CAP2: variants seen among roughly 807,000 people sequenced by gnomAD.
CAP2 encodes the protein cyclase associated actin cytoskeleton regulatory protein 2, also known as adenylyl cyclase-associated protein 2.
A neutral mutation model predicts 57.7 loss-of-function variants in CAP2; 24 were observed. The observed-to-expected ratio is 0.42, with a 90% CI of 0.30 to 0.58. CAP2 has a LOEUF of 0.58. CAP2 is among the 20% of genes least tolerant of loss of function. The probability of loss-of-function intolerance (pLI) is 0.22; values close to 1 mark genes in which losing one functional copy is unlikely to be tolerated. For synonymous variants in CAP2, 194 were observed against 207.2 expected, an observed-to-expected ratio of 0.94 and a Z score of 0.55; for missense variants, 501 against 590.3, an observed-to-expected ratio of 0.85 and a Z score of 1.57.
In CAP2 at chr6:17,404,422, G is replaced by A. The variant is rs139979451; in HGVS notation, c.-2+10676G>A. 6.4e-3 allele frequency among the ~76,000 whole-genome samples: 978 copies of A among 152,228 alleles called. 14 individuals are homozygous for A. Among genetic ancestry groups the A allele is most frequent in the African/African-American group, 0.021 (881 of 41,530 alleles). On this transcript the variant is annotated intron_variant, in intron 1 of 12. Coordinates refer to ENST00000229922, the MANE Select transcript of CAP2 (RefSeq NM_006366.3). ...AGATGGAGACCATCCTGGCTAACAC[G>A]GTGAAACCCCGTCTCTACTGAAAAT...
intron 6 of CAP2, among the ~76,000 whole-genome samples, chr6:17,511,088 T>G (rs1209782394): frequency 6.6e-6 from 1 of 152,186 alleles, no homozygotes; most frequent in African/African-American, 2.4e-5. Flanking sequence ...ATGACTCAGT[T>G]AAGCTCAGTG....
At chr6:17,426,525 G>A (rs1388623428) in intron 2 of CAP2, 65 bp from the exon 3 acceptor site, 14 of 1,187,522 alleles carry the variant, frequency 1.2e-5, no homozygotes, top group African/African-American at 7.5e-5. Context: ...GTGAGCCACC[G>A]TGCCCGGCTA....
rs530641228 is a variant in CAP2 at position 17,459,622 on chromosome 6, A to G, written c.223-3374A>G. Reference sequence around the variant, plus strand: ...AGAATTTAACAAGATTATAAAAAGTATTTTTAAAATAGCCTAAAGACAAGG... The same window carrying G: ...AGAATTTAACAAGATTATAAAAAGTGTTTTTAAAATAGCCTAAAGACAAGG... On this transcript the variant is annotated intron_variant, in intron 3 of 12. Coordinates refer to ENST00000229922, the MANE Select transcript of CAP2 (RefSeq NM_006366.3). Among the ~76,000 whole-genome samples, 16 of 152,350 alleles carry G rather than the reference A, an allele frequency of 1.1e-4. No individual in the cohort carries two copies. The South Asian group carries it at 3.1e-3, about 30-fold the overall frequency.
chr6:17,456,123 A>G (rs1760562673), intron 3 of CAP2, among the ~76,000 whole-genome samples: 1 of 152,252 alleles, frequency 6.6e-6, no homozygotes, highest in African/African-American at 2.4e-5. Context: ...CATCAGCCTC[A>G]CCTGAGAACT....
At chr6:17,442,724 T>A (rs1022434923) in intron 3 of CAP2, among the ~76,000 whole-genome samples, 1 of 21,950 alleles carries the variant, frequency 4.6e-5, no homozygotes, top group Non-Finnish European at 7.5e-5. Flanking sequence ...CCCATCACTA[T>A]TTTTTTTTTT....
chr6:17,448,251 C>T (rs905698288), intron 3 of CAP2, among the ~76,000 whole-genome samples: 3 of 152,168 alleles, frequency 2.0e-5, no homozygotes, highest in Admixed American at 1.3e-4. Context: ...TTTGTGAAAA[C>T]CCAAGATTCA....
chr6:17,465,004 A>G (rs1408425554), intron 4 of CAP2, among the ~76,000 whole-genome samples: 1 of 152,166 alleles, frequency 6.6e-6, no homozygotes, highest in Non-Finnish European at 1.5e-5. Context: ...CAGGCCTTAG[A>G]CAAAAAAGCC....
intron 1 of CAP2, among the ~76,000 whole-genome samples, chr6:17,411,403 C>T (rs1311200420): frequency 9.2e-5 from 14 of 152,208 alleles, no homozygotes; most frequent in Admixed American, 9.2e-4. Context: ...TTTCCATATT[C>T]ACCAGCAATG....
intron 4 of CAP2, among the ~76,000 whole-genome samples, chr6:17,464,132 C>T (rs530673483): frequency 5.9e-5 from 9 of 152,092 alleles, no homozygotes; most frequent in Non-Finnish European, 1.2e-4. Flanking sequence ...ACCAAGGGTT[C>T]ATAATAACAA....
intron 3 of CAP2, among the ~76,000 whole-genome samples, chr6:17,461,501 A>G (rs1318700778): frequency 6.6e-6 from 1 of 152,042 alleles, no homozygotes; most frequent in Non-Finnish European, 1.5e-5. Flanking sequence ...TGCTGAGATT[A>G]CAGGCATGAG....
At chr6:17,418,069 G>C (rs1189570475) in intron 1 of CAP2, among the ~76,000 whole-genome samples, 1 of 152,184 alleles carries the variant, frequency 6.6e-6, no homozygotes, top group African/African-American at 2.4e-5. Flanking sequence ...GAAGAATTTG[G>C]AGAATCTGCA....
chr6:17,487,587 A>G (rs1170964563), intron 4 of CAP2, among the ~76,000 whole-genome samples: 1 of 152,198 alleles, frequency 6.6e-6, no homozygotes, highest in Non-Finnish European at 1.5e-5. Context: ...CTCCTGCCTC[A>G]GCTTCCTGAG....
rs979832332 is a variant in CAP2 at position 17,556,584 on chromosome 6, G to C, written c.*142G>C. On this transcript the variant is annotated 3_prime_UTR_variant, in exon 13 of 13. Transcript: ENST00000229922. ...GATTCTGTGCTATAGATACAGCACT[G>C]TTTCTGGCACGCCTCGTGGGCATTT... is the stretch of plus-strand genomic sequence containing the variant. 2 of 609,410 alleles carry C rather than the reference G, an allele frequency of 3.3e-6. No individual in the cohort carries two copies. Among genetic ancestry groups the C allele is most frequent in the African/African-American group, 3.7e-5 (2 of 54,496 alleles). 37.8% of individuals were successfully genotyped at this position (609,410 alleles called of 1,614,324 possible).
chr6:17,414,984 T>C (rs959649742), intron 1 of CAP2, among the ~76,000 whole-genome samples: 2 of 152,240 alleles, frequency 1.3e-5, no homozygotes, highest in Non-Finnish European at 2.9e-5. Context: ...GTGGTTTTGA[T>C]TAGCTTTTCT....
At chr6:17,517,484 G>C (rs192451683) in intron 7 of CAP2, among the ~76,000 whole-genome samples, 7 of 152,226 alleles carry the variant, frequency 4.6e-5, no homozygotes, top group Non-Finnish European at 5.9e-5. Flanking sequence ...AACAATACTT[G>C]CTCTTACTAT....
chr6:17,398,796 T>C (rs919289583), intron 1 of CAP2, among the ~76,000 whole-genome samples: 4 of 152,184 alleles, frequency 2.6e-5, no homozygotes, highest in African/African-American at 9.7e-5. Context: ...AGTGCTGGAA[T>C]TACATGCGTG....
At chr6:17,405,094 T>C (rs1414971106) in intron 1 of CAP2, among the ~76,000 whole-genome samples, 2 of 152,008 alleles carry the variant, frequency 1.3e-5, no homozygotes, top group African/African-American at 4.8e-5. Flanking sequence ...TAAAGTTTAA[T>C]ATATAAGGCC....
At chr6:17,428,618 C>G (rs1031195445) in intron 3 of CAP2, among the ~76,000 whole-genome samples, 1 of 77,708 alleles carries the variant, frequency 1.3e-5, no homozygotes, top group African/African-American at 5.3e-5. Flanking sequence ...ACTCTGGGGA[C>G]TGTGGTGGGA....
At chr6:17,534,557 C>A (rs1424098570) in intron 7 of CAP2, among the ~76,000 whole-genome samples, 1 of 152,190 alleles carries the variant, frequency 6.6e-6, no homozygotes, top group Admixed American at 6.5e-5. Flanking sequence ...TGGGAGCGAT[C>A]CTTTTGTATC....
Sources: allele counts gnomAD v4.1 joint callset (sites outside exome capture counted in the v4.1 genomes callset), GRCh38; gene constraint gnomAD v4.1.1; transcripts MANE v1.5; gene names NCBI Gene and HGNC (gene_info 2026-07-23, HGNC 2026-07-21).